Variants in ATAD1 observed in about 807,000 individuals in gnomAD.
ATAD1 encodes the protein outer mitochondrial transmembrane helix translocase.
In ATAD1, 18 loss-of-function variants were observed where a neutral mutation model predicts 42.7. The ratio of observed to expected loss-of-function variants is 0.42; its 90% CI spans 0.29 to 0.63. The LOEUF (loss-of-function observed/expected upper bound fraction) is 0.63. Ranked by LOEUF, ATAD1 falls within the 20% of genes least tolerant of loss-of-function variation. ATAD1 has a pLI of 0.19. For missense variants in ATAD1, 294 were observed against 440.4 expected, an observed-to-expected ratio of 0.67 and a Z score of 2.98; for synonymous variants, 132 against 143.1, an observed-to-expected ratio of 0.92 and a Z score of 0.55.
intron 3 of ATAD1, 84 bp downstream of exon 3, chr10:87,792,573 C>G: frequency 1.0e-6 from 1 of 975,208 alleles, no homozygotes; most frequent in Non-Finnish European, 1.6e-6. Context: ...AGAACCCGGC[C>G]GTGATCTTTA....
Position 87,767,720 on chromosome 10 carries a change from A to C in ATAD1, c.784T>G (p.Leu262Val). ...TTCAGGATTGCTTCTCTCTGTTTTA[A>C]AGCCTAAAAGCAGGATAATTTCCAG... Reference protein sequence around the residue: ...PTRFHINQPALKQREAILKLI... With the variant: ...PTRFHINQPAVKQREAILKLI... Residue 262 changes from leucine to valine, a missense_variant, in exon 8 of 10, where the codon TTA becomes GTA. By Grantham distance (32) the Leu-to-Val change is conservative (BLOSUM62 1). Around this residue, in one of 3 missense-constraint regions of ATAD1, gnomAD observed 142 missense variants for 174.6 expected, o/e 0.81. Transcript: ENST00000680024. 1 of 1,605,630 alleles carries C rather than the reference A, an allele frequency of 6.2e-7. No homozygotes were observed. The highest frequency in any genetic ancestry group is 8.5e-7 in the Non-Finnish European group (1 of 1,177,552).
At chr10:87,820,204 G>A (rs1857605854), upstream of ATAD1, among the ~76,000 whole-genome samples, 1 of 152,172 alleles carries the variant, frequency 6.6e-6, no homozygotes, top group African/African-American at 2.4e-5. Flanking sequence ...TTGCTTGGGA[G>A]GCTCATGGAC....
At chr10:87,812,633 C>A (rs1191198960) in intron 2 of ATAD1, among the ~76,000 whole-genome samples, 1 of 152,122 alleles carries the variant, frequency 6.6e-6, no homozygotes, top group African/African-American at 2.4e-5. Flanking sequence ...GAAGCTATAG[C>A]CGTTGGCCAA....
intron 4 of ATAD1, among the ~76,000 whole-genome samples, chr10:87,786,879 C>T (rs938644503): frequency 3.3e-5 from 5 of 151,786 alleles, no homozygotes; most frequent in South Asian, 2.1e-4. Context: ...CTCTTAAACC[C>T]GGGAGGCAGA....
At chr10:87,835,053 G>A (rs1043004879) in intron 1 of ATAD1, among the ~76,000 whole-genome samples, 1 of 151,796 alleles carries the variant, frequency 6.6e-6, no homozygotes, top group Non-Finnish European at 1.5e-5. Context: ...GTTTATAAAT[G>A]TTTGGAGATT....
intron 3 of ATAD1, among the ~76,000 whole-genome samples, chr10:87,790,946 G>C (rs886118995): frequency 1.3e-5 from 2 of 150,226 alleles, no homozygotes; most frequent in African/African-American, 4.9e-5. Context: ...CACTTTGGGA[G>C]GCCAAGGTGA....
intron 2 of ATAD1, among the ~76,000 whole-genome samples, chr10:87,796,154 T>C (rs956167119): frequency 6.6e-6 from 1 of 152,214 alleles, no homozygotes; most frequent in African/African-American, 2.4e-5. Flanking sequence ...GATCCTCTTT[T>C]AGGGTTAGTG....
chr10:87,801,967 GTTTTT>G (rs895889956), intron 2 of ATAD1, among the ~76,000 whole-genome samples: 1 of 151,978 alleles, frequency 6.6e-6, no homozygotes, highest in African/African-American at 2.4e-5. Context: ...CCTTTGTTTT[GTTTTT>G]TTCAAAGAAA....
chr10:87,768,959 T>C (rs1854899932), intron 7 of ATAD1, among the ~76,000 whole-genome samples: 1 of 152,142 alleles, frequency 6.6e-6, no homozygotes, highest in Non-Finnish European at 1.5e-5. Context: ...TGCATGCCTA[T>C]AGTCCTAACT....
intron 9 of ATAD1, 92 bp from the exon 10 acceptor site, chr10:87,754,899 G>A: frequency 1.4e-6 from 2 of 1,444,080 alleles, no homozygotes; most frequent in Non-Finnish European, 1.8e-6. Flanking sequence ...GATGCATGTG[G>A]TAAAAAAAAA....
chr10:87,761,400 G>A (rs1854477661), intron 8 of ATAD1, among the ~76,000 whole-genome samples: 1 of 152,180 alleles, frequency 6.6e-6, no homozygotes, highest in African/African-American at 2.4e-5. Flanking sequence ...GATGGCTCAT[G>A]CTTGTAATCC....
chr10:87,786,956 A>G (rs1855868273), intron 4 of ATAD1, among the ~76,000 whole-genome samples: 1 of 148,842 alleles, frequency 6.7e-6, no homozygotes, highest in Non-Finnish European at 1.5e-5. Flanking sequence ...CTCCGTCTCA[A>G]AAAAAAAAAA....
chr10:87,786,453 AGTTTT>A (rs1467777191), intron 4 of ATAD1, among the ~76,000 whole-genome samples: 1 of 152,190 alleles, frequency 6.6e-6, no homozygotes, highest in Non-Finnish European at 1.5e-5. Context: ...AGCAGGATTA[AGTTTT>A]TCCTCTTCAA....
intron 2 of ATAD1, among the ~76,000 whole-genome samples, chr10:87,799,939 GA>G (rs1300126015): frequency 1.3e-5 from 2 of 151,640 alleles, no homozygotes; most frequent in Non-Finnish European, 2.9e-5. Context: ...GTTTTGGTAA[GA>G]AAGCTTAAAA....
chr10:87,799,792 TTTA>T (rs200353141), intron 2 of ATAD1, among the ~76,000 whole-genome samples: 4,452 of 139,074 alleles, frequency 0.032, 103 homozygotes, highest in Non-Finnish European at 0.053. Context: ...TATTTTTTTT[TTTA>T]AAAAGTGTGT....
intron 7 of ATAD1, among the ~76,000 whole-genome samples, chr10:87,769,567 T>A (rs1230133913): frequency 6.6e-6 from 1 of 152,196 alleles, no homozygotes; most frequent in African/African-American, 2.4e-5. Context: ...TGTCTGCCTC[T>A]CCAAAACAGA....
intron 8 of ATAD1, among the ~76,000 whole-genome samples, chr10:87,766,270 G>C (rs184333415): frequency 1.3e-5 from 2 of 152,106 alleles, no homozygotes; most frequent in Non-Finnish European, 2.9e-5. Context: ...TAATATTCCT[G>C]TATAAGTATG....
intron 8 of ATAD1, among the ~76,000 whole-genome samples, chr10:87,762,918 A>AT (rs373919764): frequency 0.17 from 22,221 of 133,892 alleles, 2,101 homozygotes; most frequent in South Asian, 0.36. Context: ...AAAAAAAAAA[A>AT]ATATATATAT....
Position 87,814,475 on chromosome 10 carries a change from T to C in ATAD1, c.125A>G (p.Asp42Gly), listed in dbSNP as rs112081828. 6.2e-7 allele frequency: 1 copy of C among 1,604,964 alleles called. No homozygotes were observed. Among genetic ancestry groups the C allele is most frequent in the Non-Finnish European group, 8.5e-7 (1 of 1,175,868 alleles). Residue 42 changes from aspartate (D) to glycine (G), a missense_variant, in exon 2 of 10, where the codon GAT becomes GGT. Physicochemically the swap from Asp to Gly is moderately conservative, Grantham distance 94. This residue lies in a region of ATAD1 where 121 missense variants were observed against 187.3 expected (regional missense o/e 0.65). Transcript: ENST00000680024. ...FTIKWMVDAI[D>G]PTRKQKVEAQ... ...TTCTACTTTTTGCTTTCTGGTTGGA[T>C]CAATTGCATCTACCATCCATTTGAT...
Sources: gnomAD v4.1 joint callset for allele counts (sites outside exome capture counted in the v4.1 genomes callset) on GRCh38, gnomAD v4.1.1 for gene constraint, gnomAD v4.1.1 regional missense constraint, MANE v1.5 for transcripts, NCBI Gene and HGNC (gene_info 2026-07-23, HGNC 2026-07-21) for gene names.